Variants in MST1R observed in about 807,000 individuals in gnomAD.
MST1R encodes the protein macrophage-stimulating protein receptor.
In MST1R, 99 loss-of-function variants were observed where a neutral mutation model predicts 117.8. The ratio of observed to expected loss-of-function variants is 0.84; its 90% CI spans 0.71 to 0.99. The LOEUF (loss-of-function observed/expected upper bound fraction) is 0.99. MST1R is among the 50% of genes least tolerant of loss of function. The pLI, the probability that MST1R is intolerant of heterozygous loss-of-function variation, is 0.00. For missense variants in MST1R, 1,683 were observed against 1,840.2 expected (o/e 0.91, Z 1.56); for synonymous variants, 734 against 765.3 (o/e 0.96, Z 0.68).
Position 49,890,697 on chromosome 3 carries a change from C to T in MST1R, c.3645-47G>A, listed in dbSNP as rs777749492. The T allele has an allele frequency of 4.0e-5, 62 of 1,550,172 alleles. No homozygotes were observed. In the East Asian group the frequency reaches 1.4e-3, roughly 35 times the overall value. On this transcript the variant is annotated intron_variant, in intron 17 of 19. Coordinates refer to ENST00000296474, the MANE Select transcript of MST1R (RefSeq NM_002447.4). ...ACACTTAGGACTGGCCCTTACCAGG[C>T]CCTGAACCCACCTGTTCTAGGCCCT...
chr3:49,890,626 C>T lies in MST1R; in HGVS notation c.3669G>A (p.Lys1223=), dbSNP rs2082285819. 1.9e-6 allele frequency: 3 copies of T among 1,613,226 alleles called. No homozygotes were observed. Among genetic ancestry groups the T allele is most frequent in the Non-Finnish European group, 2.5e-6 (3 of 1,179,398 alleles). ...CGCGGGCCAAACCAAAGTCAGCCAC[C>T]TTGACTGTGAATGACTCGTCCAGCC... ...NCMLDESFTV[K]VADFGLARDI... Residue 1223 remains lysine, a synonymous_variant, in exon 18 of 20, where the codon AAG becomes AAA. Transcript: ENST00000296474.
chr3:49,891,360 GC>G lies in MST1R; in HGVS notation c.3534+38del, dbSNP rs753985036. On this transcript the variant is annotated intron_variant, in intron 16 of 19. Coordinates refer to ENST00000296474, the MANE Select transcript of MST1R (RefSeq NM_002447.4). The stretch of plus-strand genomic sequence containing the variant: ...GGGCACAGCAGCTCCTTCTCCAGCT[GC>G]TGCCCAGCCCCCAACCCAGAGCCAG... 6.7e-5 allele frequency: 108 copies of G among 1,613,440 alleles called. 1 individual carries two copies. In the Middle Eastern group the frequency reaches 0.01, roughly 152 times the overall value.
chr3:49,896,442 C>T (rs557416949), intron 9 of MST1R, 38 bp from the exon 10 acceptor site: 1 of 1,606,486 alleles, frequency 6.2e-7, no homozygotes, highest in East Asian at 2.2e-5. Flanking sequence ...GCCAGGAACC[C>T]CACCTGTGAT....
chr3:49,894,867 G>A (rs2082416704), intron 14 of MST1R, among the ~76,000 whole-genome samples: 1 of 151,596 alleles, frequency 6.6e-6, no homozygotes, highest in Non-Finnish European at 1.5e-5. Flanking sequence ...GGAGTGCAGT[G>A]GTGCAATCTT....
intron 1 of MST1R, among the ~76,000 whole-genome samples, chr3:49,900,811 A>C (rs1292822974): frequency 1.3e-5 from 2 of 152,262 alleles, no homozygotes; most frequent in East Asian, 3.9e-4. Context: ...AGGCTTAGGT[A>C]GGGGCCCCCA....
At chr3:49,888,319 C>G (rs2082220655) in intron 19 of MST1R, among the ~76,000 whole-genome samples, 1 of 152,070 alleles carries the variant, frequency 6.6e-6, no homozygotes, top group Non-Finnish European at 1.5e-5. Flanking sequence ...GCCTGTAGTC[C>G]CAGCTACTCG....
At chr3:49,888,215 T>A (rs2082217236) in intron 19 of MST1R, among the ~76,000 whole-genome samples, 6 of 151,886 alleles carry the variant, frequency 4.0e-5, no homozygotes, top group Admixed American at 3.3e-4. Flanking sequence ...GGTGGGTGGA[T>A]CACGAGGTCA....
At position 49,897,905 on chromosome 3, in the gene MST1R, C is replaced by A. The variant is rs2082536614; in HGVS notation, c.1880+146G>T. 4.9e-6 allele frequency: 6 copies of A among 1,229,480 alleles called. No individual in the cohort carries two copies. The South Asian group carries it at 8.5e-5, about 17-fold the overall frequency. 76.2% of individuals were successfully genotyped at this position (1,229,480 alleles called of 1,614,324 possible). ...ATGAAAGCTCAAAAAGGGACAGAGACCTTTTTGACTCTCAAAAAGCAGTCA... is the reference window on the plus strand; with the variant it reads ...ATGAAAGCTCAAAAAGGGACAGAGAACTTTTTGACTCTCAAAAAGCAGTCA... On this transcript the variant is annotated intron_variant, in intron 5 of 19. Coordinates refer to ENST00000296474, the MANE Select transcript of MST1R (RefSeq NM_002447.4).
chr3:49,893,539 G>A (rs181537665), intron 14 of MST1R, among the ~76,000 whole-genome samples: 135 of 151,778 alleles, frequency 8.9e-4, no homozygotes, highest in African/African-American at 3.0e-3. Flanking sequence ...GGGAGGGGGA[G>A]GTTGCAGTGA....
rs376394839 is a variant in MST1R at position 49,890,663 on chromosome 3, G to A, written c.3645-13C>T. 645 of 1,604,780 alleles carry A rather than the reference G, an allele frequency of 4.0e-4. No homozygotes were observed. The highest frequency in any genetic ancestry group is 4.9e-4 in the Non-Finnish European group (580 of 1,173,840). On this transcript the variant is annotated splice_polypyrimidine_tract_variant and intron_variant, in intron 17 of 19. Transcript: ENST00000296474. ...TGACTCGTCCAGCCTTAGGGGTAGG[G>A]AGAGGATCACACTTAGGACTGGCCC...
chr3:49,887,653 A>T, intron 19 of MST1R, 91 bp from the exon 20 acceptor site: 1 of 1,435,622 alleles, frequency 7.0e-7, no homozygotes, highest in South Asian at 1.3e-5. Context: ...CAGGCCACAC[A>T]GGGATGAGGA....
At position 49,903,417 on chromosome 3, in the gene MST1R, T is replaced by C. The variant is rs745640488; in HGVS notation, c.193A>G (p.Arg65Gly). 4 of 1,613,950 alleles carry C rather than the reference T, an allele frequency of 2.5e-6. No individual in the cohort carries two copies. The Admixed American group carries it at 6.7e-5, about 27-fold the overall frequency. The stretch of plus-strand genomic sequence containing the variant: ...GCTACAAACACAGCACTCTCATTTC[T>C]GTCGCCCTCGTAGGTCACCATGGCC... Reference protein sequence around the residue: ...VQAMVTYEGDRNESAVFVAIR... With the variant: ...VQAMVTYEGDGNESAVFVAIR... The change falls in exon 1 of 20, where the codon AGA (arginine) becomes GGA (glycine). Residue 65 changes from arginine (R) to glycine (G), a missense_variant. By Grantham distance (125) the Arg-to-Gly change is moderately radical. Coordinates refer to ENST00000296474, the MANE Select transcript of MST1R (RefSeq NM_002447.4).
In MST1R at chr3:49,899,206, T is replaced by C. The variant is rs2082584717; in HGVS notation, c.1288A>G (p.Ser430Gly). ...TSCRHFPLLV[S>G]SSFSRVDLFN... Reference sequence around the variant, plus strand: ...AGGTCCACACGTGAGAAGCTGCTACTGACCAGCAGAGGGAAGTGGCGGCAG... The same window carrying C: ...AGGTCCACACGTGAGAAGCTGCTACCGACCAGCAGAGGGAAGTGGCGGCAG... The change falls in exon 2 of 20, where the codon AGT (serine) becomes GGT (glycine). Residue 430 changes from serine (S) to glycine (G), a missense_variant. Coordinates refer to ENST00000296474, the MANE Select transcript of MST1R (RefSeq NM_002447.4). 6.2e-7 allele frequency: 1 copy of C among 1,614,126 alleles called. No homozygotes were observed. The highest frequency in any genetic ancestry group is 2.2e-5 in the East Asian group (1 of 44,872).
intron 13 of MST1R, 36 bp downstream of exon 13, chr3:49,895,411 G>A (rs2082434564): frequency 2.5e-6 from 4 of 1,613,800 alleles, no homozygotes; most frequent in Non-Finnish European, 3.4e-6. Context: ...TAGGGACAGG[G>A]GGTGGCTTTA....
rs755559848 is a variant in MST1R, at chr3:49,898,068, C to T, written c.1863G>A (p.Lys621=). ...VGQSPCRPLP[K]DSSKLRPVPR... is the part of the protein sequence containing the mutation. Reference sequence around the variant, plus strand: ...GATTGTACCTGAGTTTTGAGCTGTCCTTGGGCAGTGGCCGGCAGGGACTTT... The same window carrying T: ...GATTGTACCTGAGTTTTGAGCTGTCTTTGGGCAGTGGCCGGCAGGGACTTT... Residue 621 remains lysine (K), a synonymous_variant, in exon 5 of 20, where the codon AAG becomes AAA. Coordinates refer to ENST00000296474, the MANE Select transcript of MST1R (RefSeq NM_002447.4). 37 of 1,614,004 alleles carry T rather than the reference C, an allele frequency of 2.3e-5. No individual in the cohort carries two copies. The South Asian group carries it at 3.6e-4, about 16-fold the overall frequency.
intron 14 of MST1R, 136 bp downstream of exon 14, chr3:49,895,031 T>G (rs530652783): frequency 1.2e-6 from 1 of 838,278 alleles, no homozygotes; most frequent in East Asian, 2.5e-5. Flanking sequence ...CAGGACGGTC[T>G]CGATCTCCTG....
chr3:49,897,613 C>A lies in MST1R; in HGVS notation c.1953G>T (p.Gly651=), dbSNP rs529343662. The A allele has an allele frequency of 1.2e-6, 2 of 1,614,148 alleles. No homozygotes were observed. Among genetic ancestry groups the A allele is most frequent in the African/African-American group, 1.3e-5 (1 of 75,066 alleles). ...ELEPLGTQAV[G]PTNVSLTVTN... Reference sequence around the variant, plus strand: ...TCACGGTGAGGCTGACGTTGGTAGGCCCCACTGCCTGGGTGCCCAAGGGCT... The same window carrying A: ...TCACGGTGAGGCTGACGTTGGTAGGACCCACTGCCTGGGTGCCCAAGGGCT... The change falls in exon 6 of 20, where the codon GGG becomes GGT. Residue 651 remains glycine (G), a synonymous_variant. Transcript: ENST00000296474.
At chr3:49,891,668 G>A in intron 15 of MST1R, 88 bp from the exon 16 acceptor site, 2 of 1,608,018 alleles carry the variant, frequency 1.2e-6, no homozygotes, top group Non-Finnish European at 8.5e-7. Flanking sequence ...CTCCTGCTCA[G>A]GGTCACTCAG....
chr3:49,887,170 G>T lies in MST1R; in HGVS notation c.*137C>A. On this transcript the variant is annotated 3_prime_UTR_variant, in exon 20 of 20. Coordinates refer to ENST00000296474, the MANE Select transcript of MST1R (RefSeq NM_002447.4). ...ACTCTGTGGAGTGAGGGACCTAATG[G>T]GCCCCATTTACCTATTGCCTCTGAA... 3 of 1,210,606 alleles carry T rather than the reference G, an allele frequency of 2.5e-6. No homozygotes were observed. Among genetic ancestry groups the T allele is most frequent in the Non-Finnish European group, 3.5e-6 (3 of 855,996 alleles). The allele number at this position is 1,210,606 out of a possible 1,614,324, so 75.0% of individuals were successfully genotyped here. A position where few individuals can be genotyped will look rare whatever the true frequency, so the allele number is the denominator to read the frequency against.
Sources: gnomAD v4.1 joint callset for allele counts (sites outside exome capture counted in the v4.1 genomes callset) on GRCh38, gnomAD v4.1.1 for gene constraint, MANE v1.5 for transcripts, NCBI Gene and HGNC (gene_info 2026-07-23, HGNC 2026-07-21) for gene names.